The following RORA variants were observed in gnomAD, a reference collection of about 807,000 sequenced individuals.
RORA encodes RAR related orphan receptor A.
RORA carries 7 observed loss-of-function variants against 69.5 expected under a neutral mutation model. The observed-to-expected ratio is 0.10, with a 90% CI of 0.06 to 0.19. The LOEUF (loss-of-function observed/expected upper bound fraction) is 0.19, where lower values mean the gene tolerates loss of function less well. Ranked by LOEUF, RORA falls within the 10% of genes least tolerant of loss-of-function variation. The probability of loss-of-function intolerance (pLI) is 1.00; values close to 1 mark genes in which losing one functional copy is unlikely to be tolerated. For synonymous variants in RORA, 261 were observed against 240.8 expected (o/e 1.08, Z -0.78); for missense variants, 457 against 663.0 (o/e 0.69, Z 3.41).
intron 2 of RORA, among the ~76,000 whole-genome samples, chr15:60,540,848 T>G (rs1253461352): frequency 6.6e-6 from 1 of 152,162 alleles, no homozygotes; most frequent in Non-Finnish European, 1.5e-5. Context: ...TACATCCCTC[T>G]ATAGCAAGCC....
At chr15:61,197,690 T>C (rs552952981) in intron 1 of RORA, among the ~76,000 whole-genome samples, 47 of 152,272 alleles carry the variant, frequency 3.1e-4, no homozygotes, top group Admixed American at 7.2e-4. Flanking sequence ...CCATGGGCCA[T>C]GTTTCCAATC....
chr15:60,944,040 TAGTC>T (rs1566919220), intron 1 of RORA, among the ~76,000 whole-genome samples: 1 of 151,566 alleles, frequency 6.6e-6, no homozygotes, highest in South Asian at 2.1e-4. Context: ...CCTTTTGCCA[TAGTC>T]AGTCAGTCGT....
intron 1 of RORA, among the ~76,000 whole-genome samples, chr15:60,829,249 T>C (rs562842662): frequency 7.0e-4 from 106 of 152,260 alleles, no homozygotes; most frequent in African/African-American, 2.4e-3. Flanking sequence ...ATTTATACCT[T>C]AGGGCTAATG....
At chr15:60,815,961 T>C (rs1404554550) in intron 1 of RORA, among the ~76,000 whole-genome samples, 1 of 146,306 alleles carries the variant, frequency 6.8e-6, no homozygotes, top group African/African-American at 2.5e-5. Flanking sequence ...CTATAAATAG[T>C]ATATGTATTT....
At chr15:60,935,051 T>G (rs1390154975) in intron 1 of RORA, among the ~76,000 whole-genome samples, 2 of 152,252 alleles carry the variant, frequency 1.3e-5, no homozygotes, top group Non-Finnish European at 2.9e-5. Context: ...ATCCCCATTT[T>G]AGAAATAATG....
intron 1 of RORA, among the ~76,000 whole-genome samples, chr15:61,102,258 C>T (rs914380640): frequency 2.6e-5 from 4 of 152,170 alleles, no homozygotes; most frequent in African/African-American, 4.8e-5. Flanking sequence ...CCCCCCTCAA[C>T]CCGACTGACT....
chr15:60,755,321 T>C (rs2071783776), intron 1 of RORA, among the ~76,000 whole-genome samples: 1 of 152,018 alleles, frequency 6.6e-6, no homozygotes. Context: ...AACTCATCCT[T>C]TTTTACGGCT....
intron 1 of RORA, among the ~76,000 whole-genome samples, chr15:60,888,493 C>A (rs2073776717): frequency 6.6e-6 from 1 of 152,166 alleles, no homozygotes; most frequent in Non-Finnish European, 1.5e-5. Flanking sequence ...TATACACATG[C>A]AAACACACAC....
intron 2 of RORA, among the ~76,000 whole-genome samples, chr15:60,557,545 G>A (rs2067404351): frequency 6.6e-6 from 1 of 152,194 alleles, no homozygotes; most frequent in Admixed American, 6.5e-5. Flanking sequence ...TATAAACTCT[G>A]GGATGGAGGC....
At chr15:60,631,720 A>C (rs557636210) in intron 2 of RORA, among the ~76,000 whole-genome samples, 6 of 152,356 alleles carry the variant, frequency 3.9e-5, no homozygotes, top group African/African-American at 1.4e-4. Flanking sequence ...CCGCATGCCC[A>C]GTACGGCTAA....
At chr15:60,567,337 G>C (rs1317719928) in intron 2 of RORA, among the ~76,000 whole-genome samples, 1 of 151,812 alleles carries the variant, frequency 6.6e-6, no homozygotes. Flanking sequence ...CCTGCCTAGG[G>C]GCACTAAATG....
rs548245020 is a variant in RORA, at chr15:60,518,149, C to G, written c.283-3392G>C. ...AAGTAGCTGGGATTCCAAGTGCGAG[C>G]CCATGTATCTGGCATTATTTCTTCA... On this transcript the variant is annotated intron_variant, in intron 3 of 10. Coordinates refer to ENST00000335670, the MANE Select transcript of RORA (RefSeq NM_134261.3). Among the ~76,000 whole-genome samples the G allele has an allele frequency of 1.2e-4, 19 of 152,340 alleles. No homozygotes were observed. The South Asian group carries it at 3.5e-3, about 28-fold the overall frequency.
chr15:60,684,051 GT>G (rs898908977), intron 1 of RORA, among the ~76,000 whole-genome samples: 1 of 151,728 alleles, frequency 6.6e-6, no homozygotes, highest in African/African-American at 2.4e-5. Context: ...TTGTCTCTTG[GT>G]TTTTAGGAAA....
intron 1 of RORA, among the ~76,000 whole-genome samples, chr15:60,717,757 T>A (rs2071238325): frequency 6.6e-6 from 1 of 151,422 alleles, no homozygotes; most frequent in East Asian, 1.9e-4. Flanking sequence ...GATAATTGAT[T>A]AATAAGGTCA....
intron 1 of RORA, among the ~76,000 whole-genome samples, chr15:61,153,480 G>T (rs1184589635): frequency 6.6e-6 from 1 of 152,188 alleles, no homozygotes; most frequent in Non-Finnish European, 1.5e-5. Flanking sequence ...CCTTTCAACA[G>T]CTGCATCCAG....
chr15:60,526,478 TAAAC>T (rs1385296088), intron 3 of RORA, among the ~76,000 whole-genome samples: 1 of 152,188 alleles, frequency 6.6e-6, no homozygotes, highest in Non-Finnish European at 1.5e-5. Context: ...GATTAAGATC[TAAAC>T]AAACAAATAA....
intron 1 of RORA, among the ~76,000 whole-genome samples, chr15:60,868,720 A>G (rs2073518682): frequency 6.6e-6 from 1 of 152,164 alleles, no homozygotes; most frequent in Non-Finnish European, 1.5e-5. Flanking sequence ...AAGGATTCTA[A>G]TGTCATTTTA....
At chr15:61,019,270 T>C (rs1895417810) in intron 1 of RORA, among the ~76,000 whole-genome samples, 1 of 152,194 alleles carries the variant, frequency 6.6e-6, no homozygotes, top group Non-Finnish European at 1.5e-5. Context: ...GATAACCCCA[T>C]TTGTTCTCAG....
chr15:60,842,997 C>T (rs2073219466), intron 1 of RORA, among the ~76,000 whole-genome samples: 1 of 152,158 alleles, frequency 6.6e-6, no homozygotes, highest in Non-Finnish European at 1.5e-5. Context: ...GCCTCTTTCT[C>T]TGTCCACCCT....
Sources: allele counts gnomAD v4.1 joint callset (sites outside exome capture counted in the v4.1 genomes callset), GRCh38; gene constraint gnomAD v4.1.1; transcripts MANE v1.5; gene names NCBI Gene and HGNC (gene_info 2026-07-23, HGNC 2026-07-21).